The following ELOVL2 variants were observed in gnomAD, a reference collection of about 807,000 sequenced individuals.
ELOVL2 encodes the protein ELOVL fatty acid elongase 2.
In ELOVL2, 38 loss-of-function variants were observed where a neutral mutation model predicts 37.7. The observed-to-expected ratio is 1.01, with a 90% CI of 0.78 to 1.32. The LOEUF is 1.32. Among genes scored for constraint, ELOVL2 ranks in the 40% most tolerant of loss-of-function variants. ELOVL2 has a pLI of 0.00. For missense variants in ELOVL2, 352 were observed against 363.6 expected (o/e 0.97, Z 0.26); for synonymous variants, 115 against 122.3 (o/e 0.94, Z 0.40).
intron 5 of ELOVL2, among the ~76,000 whole-genome samples, chr6:10,991,499 A>G (rs1782157465): frequency 6.6e-6 from 1 of 152,178 alleles, no homozygotes; most frequent in African/African-American, 2.4e-5. Context: ...TAAGTTTGGG[A>G]TGAAATTAAC....
intron 1 of ELOVL2, among the ~76,000 whole-genome samples, chr6:11,019,976 T>G (rs1782740228): frequency 6.6e-6 from 1 of 152,216 alleles, no homozygotes; most frequent in Non-Finnish European, 1.5e-5. Flanking sequence ...ACTCCTGACC[T>G]CAGGTGATCC....
intron 3 of ELOVL2, among the ~76,000 whole-genome samples, chr6:11,004,092 A>AG (rs545812574): frequency 1.1e-3 from 166 of 152,138 alleles, no homozygotes; most frequent in African/African-American, 3.7e-3. Flanking sequence ...CAAAAAAAAA[A>AG]AAAAGTTGTC....
intron 7 of ELOVL2, among the ~76,000 whole-genome samples, chr6:10,984,999 A>G (rs1415743393): frequency 1.3e-5 from 2 of 152,094 alleles, no homozygotes; most frequent in African/African-American, 2.4e-5. Flanking sequence ...AAGTGTTCCT[A>G]TTTCTCCACA....
intron 3 of ELOVL2, among the ~76,000 whole-genome samples, chr6:11,002,069 A>G (rs1054822038): frequency 2.0e-5 from 3 of 152,164 alleles, no homozygotes; most frequent in Non-Finnish European, 2.9e-5. Flanking sequence ...GAGGGAGATA[A>G]TAGCACTCCC....
chr6:11,038,950 G>C (rs149253941), intron 1 of ELOVL2, among the ~76,000 whole-genome samples: 87 of 152,362 alleles, frequency 5.7e-4, no homozygotes, highest in African/African-American at 2.0e-3. Flanking sequence ...AGCAGTGTAA[G>C]AGGATCAGGT....
intron 3 of ELOVL2, among the ~76,000 whole-genome samples, chr6:11,004,142 T>C (rs1320953279): frequency 1.3e-5 from 2 of 149,778 alleles, no homozygotes; most frequent in Non-Finnish European, 1.5e-5. Flanking sequence ...TCTCCTATAC[T>C]GACTGATGCC....
In ELOVL2 at chr6:10,996,223, C is replaced by A. The variant is rs200508510; in HGVS notation, c.334-1045G>T. ...TTCCCAAGAAGACCATCATAAGGTA[C>A]GGCCGCAACCGTCTTAATGTCTGAT... On this transcript the variant is annotated intron_variant, in intron 4 of 7. Coordinates refer to ENST00000354666, the MANE Select transcript of ELOVL2 (RefSeq NM_017770.4). 6.6e-5 allele frequency among the ~76,000 whole-genome samples: 10 copies of A among 152,242 alleles called. No individual in the cohort carries two copies. The South Asian group carries it at 8.3e-4, about 13-fold the overall frequency.
intron 7 of ELOVL2, 37 bp from the exon 8 acceptor site, chr6:10,983,943 A>G: frequency 6.4e-7 from 1 of 1,566,384 alleles, no homozygotes; most frequent in East Asian, 2.2e-5. Flanking sequence ...AAAAATAAAA[A>G]GGTTATTTAA....
intron 1 of ELOVL2, among the ~76,000 whole-genome samples, chr6:11,041,297 T>C (rs1181639109): frequency 6.6e-6 from 1 of 152,188 alleles, no homozygotes; most frequent in Non-Finnish European, 1.5e-5. Flanking sequence ...ACATAATATC[T>C]ACTTGACACA....
intron 2 of ELOVL2, among the ~76,000 whole-genome samples, chr6:11,006,522 G>A (rs1050437772): frequency 6.6e-6 from 1 of 152,148 alleles, no homozygotes; most frequent in Non-Finnish European, 1.5e-5. Flanking sequence ...GAGTTGTAGT[G>A]AGCTGGTTTC....
rs761814847 is a variant in ELOVL2, at chr6:10,990,498, CTTT to C, written c.506-59_506-57del. On this transcript the variant is annotated intron_variant, in intron 5 of 7. Transcript: ENST00000354666. ...CTTCCAGGAAGGACTGTTCATTCTT[CTTT>C]GTCAAGTGAGATTCTCTCTCTGCAT... is the stretch of plus-strand genomic sequence containing the variant. The C allele has an allele frequency of 1.4e-5, 21 of 1,493,114 alleles. 1 individual carries two copies. Among genetic ancestry groups the C allele is most frequent in the African/African-American group, 7.2e-5 (5 of 69,126 alleles). 92.5% of individuals were successfully genotyped at this position (1,493,114 alleles called of 1,614,324 possible).
At chr6:11,010,015 G>A (rs1036018164) in intron 2 of ELOVL2, among the ~76,000 whole-genome samples, 10 of 149,396 alleles carry the variant, frequency 6.7e-5, no homozygotes, top group East Asian at 2.0e-4. Flanking sequence ...CAGAGAAAGC[G>A]CACACATCTT....
At chr6:11,004,444 A>G (rs1008846812) in intron 3 of ELOVL2, among the ~76,000 whole-genome samples, 1 of 135,990 alleles carries the variant, frequency 7.4e-6, no homozygotes, top group African/African-American at 2.7e-5. Context: ...ACAGCAAGTT[A>G]TTTAACACTT....
At chr6:11,035,751 T>C (rs1581883044) in intron 1 of ELOVL2, among the ~76,000 whole-genome samples, 3 of 152,320 alleles carry the variant, frequency 2.0e-5, no homozygotes, top group Middle Eastern at 6.8e-3. Context: ...GACTGAGTGG[T>C]CCAAACACTG....
intron 7 of ELOVL2, among the ~76,000 whole-genome samples, chr6:10,987,028 C>T (rs1342235921): frequency 3.9e-5 from 6 of 152,178 alleles, no homozygotes; most frequent in Non-Finnish European, 1.5e-5. Context: ...AATTTCAGAG[C>T]CTGTTACTGG....
intron 1 of ELOVL2, among the ~76,000 whole-genome samples, chr6:11,037,840 A>G (rs959002750): frequency 3.3e-5 from 5 of 152,252 alleles, no homozygotes; most frequent in Non-Finnish European, 5.9e-5. Context: ...ATATGAAATG[A>G]AACTTAAGAC....
chr6:11,026,066 A>T (rs1469688757), intron 1 of ELOVL2, among the ~76,000 whole-genome samples: 1 of 152,188 alleles, frequency 6.6e-6, no homozygotes, highest in Non-Finnish European at 1.5e-5. Flanking sequence ...TCAAGCTTTC[A>T]GGATGGTGAA....
Position 11,018,156 on chromosome 6 carries a change from T to C in ELOVL2, c.4-7347A>G, listed in dbSNP as rs527998043. The stretch of plus-strand genomic sequence containing the variant: ...TATATATTTTTAAAGTAGAATCAAA[T>C]TTATTCTCTCTTGCAATTAACATGA... On this transcript the variant is annotated intron_variant, in intron 1 of 7. Coordinates refer to ENST00000354666, the MANE Select transcript of ELOVL2 (RefSeq NM_017770.4). 2.0e-5 allele frequency among the ~76,000 whole-genome samples: 3 copies of C among 152,320 alleles called. No individual in the cohort carries two copies. In the South Asian group the frequency reaches 6.2e-4, roughly 32 times the overall value.
intron 1 of ELOVL2, among the ~76,000 whole-genome samples, chr6:11,041,739 T>C (rs1287935275): frequency 2.0e-5 from 3 of 152,132 alleles, no homozygotes; most frequent in African/African-American, 7.3e-5. Context: ...CAAAAACTTA[T>C]GTAAATTTTA....
Sources: allele counts gnomAD v4.1 joint callset (sites outside exome capture counted in the v4.1 genomes callset), GRCh38; gene constraint gnomAD v4.1.1; transcripts MANE v1.5; gene names NCBI Gene and HGNC (gene_info 2026-07-23, HGNC 2026-07-21).